MATN2: variants seen among roughly 807,000 people sequenced by gnomAD.
MATN2 encodes the protein matrilin 2.
MATN2 carries 69 observed loss-of-function variants against 103.2 expected under a neutral mutation model. The ratio of observed to expected loss-of-function variants is 0.67; its 90% CI spans 0.55 to 0.82. MATN2 has a LOEUF of 0.82. MATN2 is among the 40% of genes least tolerant of loss of function. The probability of loss-of-function intolerance (pLI) is 0.00; values close to 1 mark genes in which losing one functional copy is unlikely to be tolerated. For missense variants in MATN2, 1,023 were observed against 1,211.5 expected (o/e 0.84, Z 2.31); for synonymous variants, 429 against 450.2 (o/e 0.95, Z 0.60).
chr8:97,920,545 G>A (rs1422135428), intron 2 of MATN2, among the ~76,000 whole-genome samples: 1 of 152,160 alleles, frequency 6.6e-6, no homozygotes, highest in Non-Finnish European at 1.5e-5. Context: ...TCTGGTTCTT[G>A]GGACTCAGAT....
chr8:97,883,022 G>A (rs536859166), intron 1 of MATN2, among the ~76,000 whole-genome samples: 3 of 152,068 alleles, frequency 2.0e-5, no homozygotes, highest in African/African-American at 4.8e-5. Flanking sequence ...ACATAGTCCC[G>A]GCCAGGTGCT....
At chr8:97,921,581 A>T (rs1809808426) in intron 2 of MATN2, among the ~76,000 whole-genome samples, 1 of 152,220 alleles carries the variant, frequency 6.6e-6, no homozygotes, top group Non-Finnish European at 1.5e-5. Context: ...AAAAAAAACA[A>T]ATATAGTCTA....
intron 4 of MATN2, among the ~76,000 whole-genome samples, chr8:97,947,145 G>A (rs546147911): frequency 6.6e-6 from 1 of 152,296 alleles, no homozygotes; most frequent in Admixed American, 6.5e-5. Flanking sequence ...ACTGAGTTGG[G>A]CGTATCACCT....
chr8:97,963,872 G>A (rs1181229949), intron 5 of MATN2, among the ~76,000 whole-genome samples: 2 of 152,276 alleles, frequency 1.3e-5, no homozygotes, highest in East Asian at 3.9e-4. Context: ...CAGTACTTTT[G>A]TTGCCAGTAG....
At chr8:97,918,342 G>C (rs1161174815) in intron 2 of MATN2, among the ~76,000 whole-genome samples, 1 of 152,180 alleles carries the variant, frequency 6.6e-6, no homozygotes, top group South Asian at 2.1e-4. Flanking sequence ...TTTGCCTGTG[G>C]TGCCTTCAGT....
intron 2 of MATN2, among the ~76,000 whole-genome samples, chr8:97,892,531 G>A (rs543818026): frequency 6.6e-6 from 1 of 151,642 alleles, no homozygotes; most frequent in Non-Finnish European, 1.5e-5. Flanking sequence ...CATTCAATCT[G>A]TCATGAAATG....
In MATN2 at chr8:97,931,058, T is replaced by C. The variant is rs561683800; in HGVS notation, c.248T>C (p.Ile83Thr). The C allele has an allele frequency of 1.2e-6, 2 of 1,614,008 alleles. No individual in the cohort carries two copies. Among genetic ancestry groups the C allele is most frequent in the African/African-American group, 2.7e-5 (2 of 75,046 alleles). ...AAGGTCAAGGAGTTCATCGTGGACA[T>C]CTTGCAATTCTTGGACATTGGTCCT... is the stretch of plus-strand genomic sequence containing the variant. ...YAKVKEFIVD[I>T]LQFLDIGPDV... Residue 83 changes from isoleucine (I) to threonine (T), a missense_variant, in exon 3 of 19, where the codon ATC becomes ACC. Ile to Thr is a moderately conservative substitution (Grantham distance 89). Transcript: ENST00000254898. The surrounding 1 kb of genome is among the most constrained non-coding windows in gnomAD (Gnocchi z 4.1).
At chr8:97,928,218 C>CTTTTTT (rs34226792) in intron 2 of MATN2, among the ~76,000 whole-genome samples, 6 of 89,298 alleles carry the variant, frequency 6.7e-5, no homozygotes, top group African/African-American at 2.7e-4. Context: ...GCACTCCTGC[C>CTTTTTT]TTTTTTTTTT....
At chr8:97,989,337 C>T (rs1226328210) in intron 6 of MATN2, among the ~76,000 whole-genome samples, 2 of 152,104 alleles carry the variant, frequency 1.3e-5, no homozygotes, top group African/African-American at 4.8e-5. Context: ...GGCATGGTGG[C>T]AGGCACCTGT....
chr8:97,941,161 CAA>C (rs1186024165), intron 3 of MATN2, among the ~76,000 whole-genome samples: 4 of 77,986 alleles, frequency 5.1e-5, no homozygotes, highest in Admixed American at 3.7e-4. Context: ...GACCTTGTCT[CAA>C]AAAAAAAAAA....
chr8:98,018,023 G>A lies in MATN2; in HGVS notation c.1726G>A (p.Gly576Ser). The A allele has an allele frequency of 6.2e-7, 1 of 1,613,770 alleles. No homozygotes were observed. The highest frequency in any genetic ancestry group is 8.5e-7 in the Non-Finnish European group (1 of 1,179,734). ...RKDVCQAIDH[G>S]CEHICVNSDD... The stretch of plus-strand genomic sequence containing the variant: ...AGATGTCTGCCAAGCTATAGACCAT[G>A]GCTGTGAACACATTTGTGTGAACAG... Residue 576 changes from glycine (G) to serine (S), a missense_variant, in exon 12 of 19, where the codon GGC (glycine) becomes AGC (serine). Physicochemically the swap from Gly to Ser is moderately conservative, Grantham distance 56 (BLOSUM62 0). Coordinates refer to ENST00000254898, the MANE Select transcript of MATN2 (RefSeq NM_002380.5).
At chr8:97,969,643 A>C (rs1359781253) in intron 5 of MATN2, among the ~76,000 whole-genome samples, 1 of 152,190 alleles carries the variant, frequency 6.6e-6, no homozygotes, top group Non-Finnish European at 1.5e-5. Context: ...ATGGAACATG[A>C]TAGGAAGATA....
chr8:97,993,786 T>C (rs1238546649), intron 6 of MATN2, among the ~76,000 whole-genome samples: 1 of 152,158 alleles, frequency 6.6e-6, no homozygotes, highest in African/African-American at 2.4e-5. Context: ...TGGGTTTAAG[T>C]GGTTTGGAGT....
intron 12 of MATN2, among the ~76,000 whole-genome samples, chr8:98,018,810 G>A (rs916660600): frequency 1.3e-5 from 2 of 152,004 alleles, no homozygotes; most frequent in Non-Finnish European, 2.9e-5. Flanking sequence ...CCCACAACAC[G>A]TGGGAATTGT....
intron 7 of MATN2, among the ~76,000 whole-genome samples, chr8:97,999,211 C>G (rs1045458381): frequency 1.3e-5 from 2 of 152,184 alleles, no homozygotes; most frequent in African/African-American, 4.8e-5. Flanking sequence ...TCCATTGTAT[C>G]TATACATCAT....
At chr8:97,898,062 C>T (rs74755451) in intron 2 of MATN2, among the ~76,000 whole-genome samples, 4,138 of 152,222 alleles carry the variant, frequency 0.027, 182 homozygotes, top group African/African-American at 0.094. Context: ...CCAGTACCCC[C>T]CTTCCTCATT....
rs544818454 is a variant in MATN2 at position 97,941,984 on chromosome 8, C to T, written c.835+85C>T. 4.6e-6 allele frequency: 7 copies of T among 1,508,540 alleles called. No individual in the cohort carries two copies. In the African/African-American group the frequency reaches 9.6e-5, roughly 21 times the overall value. 93.4% of individuals were successfully genotyped at this position (1,508,540 alleles called of 1,614,324 possible). ...TTTTATCTGGGCTCATTTTATTCAT[C>T]TGTGATGCCTCACCCACCCCAGTTA... On this transcript the variant is annotated intron_variant, in intron 4 of 18. Coordinates refer to ENST00000254898, the MANE Select transcript of MATN2 (RefSeq NM_002380.5).
chr8:97,943,660 G>T (rs926435210), intron 4 of MATN2, among the ~76,000 whole-genome samples: 1 of 151,970 alleles, frequency 6.6e-6, no homozygotes, highest in Non-Finnish European at 1.5e-5. Context: ...AGATGAGGTT[G>T]CTCAGGCTGC....
intron 2 of MATN2, among the ~76,000 whole-genome samples, chr8:97,915,716 T>C (rs147365616): frequency 1.3e-3 from 198 of 152,360 alleles, no homozygotes; most frequent in Non-Finnish European, 2.4e-3. Context: ...GATGAAGCAA[T>C]TTATTCAGTT....
Sources: allele counts gnomAD v4.1 joint callset (sites outside exome capture counted in the v4.1 genomes callset), GRCh38; gene constraint gnomAD v4.1.1; non-coding constraint Gnocchi (gnomAD v3.1); transcripts MANE v1.5; gene names NCBI Gene and HGNC (gene_info 2026-07-23, HGNC 2026-07-21).